The following GCA variants were observed in gnomAD, a reference collection of about 807,000 sequenced individuals.
GCA encodes grancalcin, EF-hand calcium-binding protein.
In GCA, 30 loss-of-function variants were observed where a neutral mutation model predicts 32.6. The observed-to-expected ratio is 0.92, with a 90% CI of 0.69 to 1.25. The LOEUF (loss-of-function observed/expected upper bound fraction) is 1.25. GCA is among the 50% of genes most tolerant of loss of function. GCA has a pLI of 0.00. For synonymous variants in GCA, 102 were observed against 84.6 expected (o/e 1.21, Z -1.13); for missense variants, 291 against 266.8 (o/e 1.09, Z -0.63).
chr2:162,350,772 A>G (rs1684951687), intron 2 of GCA, among the ~76,000 whole-genome samples: 1 of 152,210 alleles, frequency 6.6e-6, no homozygotes. Flanking sequence ...TAAACTCCAT[A>G]AAGACAGGGT....
intron 1 of GCA, among the ~76,000 whole-genome samples, chr2:162,324,769 T>G (rs6735912): frequency 0.085 from 12,968 of 152,262 alleles, 1,314 homozygotes; most frequent in Admixed American, 0.23. Flanking sequence ...TCTTCCCTTC[T>G]CAGCACTTCC....
At chr2:162,342,845 A>C (rs192585773), upstream of GCA, among the ~76,000 whole-genome samples, 74 of 152,334 alleles carry the variant, frequency 4.9e-4, 2 homozygotes, top group African/African-American at 1.7e-3. Context: ...CTAGCGCTTT[A>C]TCATTTGATA....
intron 4 of GCA, among the ~76,000 whole-genome samples, chr2:162,370,266 T>C (rs1685885728): frequency 6.6e-6 from 1 of 152,136 alleles, no homozygotes; most frequent in South Asian, 2.1e-4. Flanking sequence ...AAAATGTTCT[T>C]AATGGACTAA....
At position 162,360,472 on chromosome 2, in the gene GCA, T is replaced by C. The variant is rs570752132; in HGVS notation, c.*229T>C. 1 of 1,012,476 alleles carries C rather than the reference T, an allele frequency of 9.9e-7. No individual in the cohort carries two copies. Among genetic ancestry groups the C allele is most frequent in the East Asian group, 3.2e-5 (1 of 31,564 alleles). 62.7% of individuals were successfully genotyped at this position (1,012,476 alleles called of 1,614,324 possible). ...AAGTTATTTTATAAATATGTGCATA[T>C]TGTCATAAAATATTGTATGATTAAT... is the stretch of plus-strand genomic sequence containing the variant. On this transcript the variant is annotated 3_prime_UTR_variant, in exon 8 of 8. Transcript: ENST00000437150.
At chr2:162,346,985 C>T (rs551061698) in intron 1 of GCA, among the ~76,000 whole-genome samples, 1 of 152,198 alleles carries the variant, frequency 6.6e-6, no homozygotes, top group Admixed American at 6.5e-5. Flanking sequence ...TCTATGTCAT[C>T]CCTCAGGATA....
rs1685563291 is a variant in GCA, at chr2:162,361,343, A to T, written c.*1100A>T. The T allele has an allele frequency of 1.0e-6, 1 of 981,222 alleles. No homozygotes were observed. The highest frequency in any genetic ancestry group is 1.8e-5 in the African/African-American group (1 of 57,132). 60.8% of individuals were successfully genotyped at this position (981,222 alleles called of 1,614,324 possible). Reference sequence around the variant, plus strand: ...TAATATCCCTGGTATAAGATGTTATAATTAATGTAATTTCTTTCTTGGCAA... The same window carrying T: ...TAATATCCCTGGTATAAGATGTTATTATTAATGTAATTTCTTTCTTGGCAA... On this transcript the variant is annotated 3_prime_UTR_variant, in exon 8 of 8. Coordinates refer to ENST00000437150, the MANE Select transcript of GCA (RefSeq NM_012198.5).
At chr2:162,367,729 T>G (rs1358235002), downstream of GCA, among the ~76,000 whole-genome samples, 1 of 152,028 alleles carries the variant, frequency 6.6e-6, no homozygotes, top group Non-Finnish European at 1.5e-5. Flanking sequence ...AATCTAAATC[T>G]TGGGAAATTG....
intron 1 of GCA, among the ~76,000 whole-genome samples, chr2:162,324,403 C>A (rs929988657): frequency 6.6e-6 from 1 of 152,166 alleles, no homozygotes; most frequent in African/African-American, 2.4e-5. Flanking sequence ...GGCCTGGGCT[C>A]CCCTCAACTG....
At position 162,347,671 on chromosome 2, in the gene GCA, C is replaced by T. The variant is rs1209328161; in HGVS notation, c.121C>T (p.Pro41Ser). 2.5e-6 allele frequency: 4 copies of T among 1,609,888 alleles called. No individual in the cohort carries two copies. In the African/African-American group the frequency reaches 5.3e-5, roughly 22 times the overall value. Residue 41 changes from proline to serine, a missense_variant, in exon 2 of 8, where the codon CCA (proline) becomes TCA (serine). Pro to Ser is a moderately conservative substitution (Grantham distance 74). Coordinates refer to ENST00000437150, the MANE Select transcript of GCA (RefSeq NM_012198.5). ...PAILLDGYSG[P>S]AYSDTYSSAG... Reference sequence around the variant, plus strand: ...TATACTCCTCGATGGATACTCTGGGCCAGCATATTCAGACACTTATTCCTC... The same window carrying T: ...TATACTCCTCGATGGATACTCTGGGTCAGCATATTCAGACACTTATTCCTC...
intron 3 of GCA, among the ~76,000 whole-genome samples, chr2:162,353,233 G>T (rs927119457): frequency 1.3e-5 from 2 of 152,162 alleles, no homozygotes; most frequent in African/African-American, 4.8e-5. Flanking sequence ...ACTTTGGGAG[G>T]CTGAGGTGGG....
chr2:162,328,492 T>G lies in GCA; in HGVS notation c.-31+9267T>G, dbSNP rs111862459. 4.6e-5 allele frequency among the ~76,000 whole-genome samples: 7 copies of G among 152,282 alleles called. 1 individual carries two copies. Among genetic ancestry groups the G allele is most frequent in the African/African-American group, 1.7e-4 (7 of 41,560 alleles). On this transcript the variant is annotated intron_variant, in intron 1 of 4. Transcript: ENST00000429691. The stretch of plus-strand genomic sequence containing the variant: ...CTGACAGCATTCACTCACACTCACC[T>G]TCTAAGATCCCGGGTGAGCCCCCAG...
chr2:162,325,633 C>T (rs1380429727), intron 1 of GCA, among the ~76,000 whole-genome samples: 1 of 152,144 alleles, frequency 6.6e-6, no homozygotes, highest in Non-Finnish European at 1.5e-5. Flanking sequence ...TAGGGTCATC[C>T]ATTGGTACTG....
intron 4 of GCA, chr2:162,371,164 A>T (rs563083596): frequency 2.0e-5 from 7 of 347,794 alleles, no homozygotes; most frequent in Non-Finnish European, 3.9e-5. Flanking sequence ...AATACTTTAG[A>T]TGGTTTGTAA....
intron 1 of GCA, among the ~76,000 whole-genome samples, chr2:162,328,895 C>T (rs1163545211): frequency 6.6e-6 from 1 of 152,116 alleles, no homozygotes; most frequent in Non-Finnish European, 1.5e-5. Context: ...AAGGTTTACC[C>T]CTGGAGTTGG....
chr2:162,364,989 A>G (rs560604249), downstream of GCA, among the ~76,000 whole-genome samples: 12 of 151,606 alleles, frequency 7.9e-5, no homozygotes, highest in African/African-American at 2.7e-4. Flanking sequence ...CACTCAGTCT[A>G]TCTTACTAGT....
intron 1 of GCA, among the ~76,000 whole-genome samples, chr2:162,324,392 C>T (rs763543321): frequency 6.6e-5 from 10 of 152,196 alleles, no homozygotes; most frequent in African/African-American, 1.7e-4. Context: ...GGCCACTCAG[C>T]GGCCTGGGCT....
chr2:162,344,037 T>G, upstream of GCA: 3 of 600,074 alleles, frequency 5.0e-6, no homozygotes, highest in South Asian at 1.9e-5. Flanking sequence ...TGCAGCTGAG[T>G]TGGCTCCAAA....
At chr2:162,359,215 G>A in intron 6 of GCA, 58 bp downstream of exon 6, 1 of 919,092 alleles carries the variant, frequency 1.1e-6, no homozygotes, top group South Asian at 1.4e-5. Context: ...CTTGAATAAT[G>A]TGTCTCATTT....
intron 1 of GCA, among the ~76,000 whole-genome samples, chr2:162,338,242 G>A (rs1310807005): frequency 6.6e-6 from 1 of 152,016 alleles, no homozygotes; most frequent in Non-Finnish European, 1.5e-5. Context: ...TATGAAGGGG[G>A]GCACTCTTAT....
Sources: allele counts gnomAD v4.1 joint callset (sites outside exome capture counted in the v4.1 genomes callset), GRCh38; gene constraint gnomAD v4.1.1; transcripts MANE v1.5; gene names NCBI Gene and HGNC (gene_info 2026-07-23, HGNC 2026-07-21).